CWC27: variants seen among roughly 807,000 people sequenced by gnomAD.
CWC27 encodes the protein CWC27 spliceosome associated cyclophilin.
In CWC27, 47 loss-of-function variants were observed where a neutral mutation model predicts 63.6. That is an observed-to-expected ratio of 0.74 (90% CI 0.58 to 0.94). The LOEUF is 0.94. Among genes scored for constraint, CWC27 ranks in the 40% least tolerant of loss-of-function variants. The probability of loss-of-function intolerance (pLI) is 0.00; values close to 1 mark genes in which losing one functional copy is unlikely to be tolerated. For missense variants in CWC27, 495 were observed against 554.3 expected (o/e 0.89, Z 1.07); for synonymous variants, 175 against 179.8 (o/e 0.97, Z 0.22).
intron 13 of CWC27, among the ~76,000 whole-genome samples, chr5:64,977,555 A>G (rs1048207715): frequency 2.6e-5 from 4 of 152,194 alleles, no homozygotes; most frequent in Non-Finnish European, 5.9e-5. Context: ...TGAGACTCAC[A>G]TTAAACAACT....
intron 10 of CWC27, among the ~76,000 whole-genome samples, chr5:64,856,913 C>T (rs1746271540): frequency 6.6e-6 from 1 of 152,060 alleles, no homozygotes; most frequent in Non-Finnish European, 1.5e-5. Context: ...ATGTTGCTAG[C>T]TTATGTAATT....
rs1020849042 is a variant in CWC27 at position 64,963,740 on chromosome 5, C to T, written c.1043-7963C>T. 3.9e-5 allele frequency among the ~76,000 whole-genome samples: 6 copies of T among 152,228 alleles called. No homozygotes were observed. The East Asian group carries it at 1.2e-3, about 29-fold the overall frequency. The stretch of plus-strand genomic sequence containing the variant: ...GGTATCACAGATGAATATAATGAAA[C>T]ATCAGCAGACGTCACAGCTATTCTC... On this transcript the variant is annotated intron_variant, in intron 11 of 13. Transcript: ENST00000381070.
chr5:64,864,395 G>A (rs545310206), intron 10 of CWC27, among the ~76,000 whole-genome samples: 1 of 152,274 alleles, frequency 6.6e-6, no homozygotes, highest in African/African-American at 2.4e-5. Context: ...GATCTTTCCA[G>A]GTCATGGGTT....
At chr5:64,814,277 C>T (rs537476871) in intron 10 of CWC27, among the ~76,000 whole-genome samples, 1 of 152,162 alleles carries the variant, frequency 6.6e-6, no homozygotes, top group African/African-American at 2.4e-5. Context: ...GAACTAGGTA[C>T]TGCACTGGGG....
intron 2 of CWC27, among the ~76,000 whole-genome samples, chr5:64,781,028 C>T (rs1203720886): frequency 6.6e-6 from 1 of 152,144 alleles, no homozygotes; most frequent in Non-Finnish European, 1.5e-5. Context: ...CTCAATTTGT[C>T]GCTTATACTT....
At chr5:64,971,559 G>T in intron 11 of CWC27, 144 bp from the exon 12 acceptor site, 1 of 544,716 alleles carries the variant, frequency 1.8e-6, no homozygotes, top group Admixed American at 3.5e-5. Flanking sequence ...AGCTGGTGGG[G>T]CTTACAGGTT....
chr5:64,938,345 C>A (rs953206861), intron 11 of CWC27, among the ~76,000 whole-genome samples: 5 of 152,202 alleles, frequency 3.3e-5, no homozygotes, highest in African/African-American at 9.6e-5. Context: ...AAAGCATTTT[C>A]TTTCTCCTTC....
intron 11 of CWC27, among the ~76,000 whole-genome samples, chr5:64,886,642 A>AT (rs1277670771): frequency 6.6e-6 from 1 of 152,132 alleles, no homozygotes; most frequent in Non-Finnish European, 1.5e-5. Flanking sequence ...CCAGATAACT[A>AT]TTTAAAGGGC....
chr5:64,820,034 T>G (rs563639745), intron 10 of CWC27, among the ~76,000 whole-genome samples: 1 of 152,316 alleles, frequency 6.6e-6, no homozygotes, highest in East Asian at 1.9e-4. Flanking sequence ...CAAAGACATA[T>G]ATGAGAAAAT....
chr5:64,927,323 A>C (rs949422265), intron 11 of CWC27, among the ~76,000 whole-genome samples: 4 of 152,206 alleles, frequency 2.6e-5, no homozygotes, highest in Non-Finnish European at 4.4e-5. Context: ...ATAGATGGTG[A>C]CGTTTATATT....
chr5:64,861,803 T>C (rs1281031468), intron 10 of CWC27, among the ~76,000 whole-genome samples: 2 of 152,218 alleles, frequency 1.3e-5, no homozygotes, highest in Non-Finnish European at 2.9e-5. Context: ...TATACTTCCA[T>C]GTAATAGTTG....
intron 11 of CWC27, among the ~76,000 whole-genome samples, chr5:64,926,269 C>G (rs1748106962): frequency 6.6e-6 from 1 of 151,606 alleles, no homozygotes; most frequent in Non-Finnish European, 1.5e-5. Flanking sequence ...ATATTTTACT[C>G]AAGACAAAAT....
intron 11 of CWC27, among the ~76,000 whole-genome samples, chr5:64,943,572 C>T (rs1428976211): frequency 2.0e-5 from 3 of 152,144 alleles, no homozygotes; most frequent in African/African-American, 7.2e-5. Flanking sequence ...TCTACAAATA[C>T]TTATTCAATG....
At chr5:64,827,931 T>A (rs1006117730) in intron 10 of CWC27, among the ~76,000 whole-genome samples, 1 of 152,202 alleles carries the variant, frequency 6.6e-6, no homozygotes, top group Non-Finnish European at 1.5e-5. Context: ...CGTTCCTTTG[T>A]GCAATGTATC....
At chr5:64,909,221 C>T (rs1025613145) in intron 11 of CWC27, among the ~76,000 whole-genome samples, 2 of 152,194 alleles carry the variant, frequency 1.3e-5, no homozygotes, top group African/African-American at 4.8e-5. Flanking sequence ...CCCCACTCTT[C>T]TGGCTTGTAG....
intron 5 of CWC27, among the ~76,000 whole-genome samples, chr5:64,786,098 G>A (rs1388508598): frequency 6.8e-6 from 1 of 147,964 alleles, no homozygotes; most frequent in Non-Finnish European, 1.5e-5. Context: ...CTGGGAGGCA[G>A]AGGTTGCAGT....
At chr5:64,922,173 A>G (rs1443141871) in intron 11 of CWC27, among the ~76,000 whole-genome samples, 2 of 152,124 alleles carry the variant, frequency 1.3e-5, no homozygotes, top group Non-Finnish European at 2.9e-5. Flanking sequence ...TTGAATGTCA[A>G]TCTCTCTAGT....
At chr5:64,777,284 A>G (rs1743491110) in intron 2 of CWC27, among the ~76,000 whole-genome samples, 1 of 152,088 alleles carries the variant, frequency 6.6e-6, no homozygotes, top group Non-Finnish European at 1.5e-5. Context: ...AATTCTTTAG[A>G]GTGACAAATA....
intron 11 of CWC27, among the ~76,000 whole-genome samples, chr5:64,922,786 T>C (rs927824404): frequency 6.6e-6 from 1 of 152,184 alleles, no homozygotes; most frequent in South Asian, 2.1e-4. Flanking sequence ...TTCCTTTGGA[T>C]AGAGCTTTTT....
Sources: gnomAD v4.1 joint callset for allele counts (sites outside exome capture counted in the v4.1 genomes callset) on GRCh38, gnomAD v4.1.1 for gene constraint, MANE v1.5 for transcripts, NCBI Gene and HGNC (gene_info 2026-07-23, HGNC 2026-07-21) for gene names.